The following TMEM117 variants were observed in gnomAD, a reference collection of about 807,000 sequenced individuals.
TMEM117 encodes transmembrane protein 117.
A neutral mutation model predicts 52.4 loss-of-function variants in TMEM117; 27 were observed. The ratio of observed to expected loss-of-function variants is 0.51; its 90% confidence interval spans 0.38 to 0.71. The LOEUF (loss-of-function observed/expected upper bound fraction) is 0.71, where lower values mean the gene tolerates loss of function less well. Among genes scored for constraint, TMEM117 ranks in the 30% least tolerant of loss-of-function variants. The pLI is 0.00. For missense variants in TMEM117, 556 were observed against 630.5 expected (o/e 0.88, Z 1.26); for synonymous variants, 215 against 206.3 (o/e 1.04, Z -0.36).
chr12:44,055,989 GTTATAATT>G (rs1229704058), intron 3 of TMEM117, among the ~76,000 whole-genome samples: 1 of 152,064 alleles, frequency 6.6e-6, no homozygotes, highest in Non-Finnish European at 1.5e-5. Flanking sequence ...GTTTGTAGCA[GTTATAATT>G]TTAGAATAAA....
chr12:43,831,277 G>T (rs957928621), upstream of TMEM117, among the ~76,000 whole-genome samples: 4 of 152,158 alleles, frequency 2.6e-5, no homozygotes, highest in Non-Finnish European at 5.9e-5. Context: ...TTTGCTCAGA[G>T]TCCATCTAAT....
At chr12:44,094,249 C>A (rs1947720302) in intron 3 of TMEM117, among the ~76,000 whole-genome samples, 1 of 152,126 alleles carries the variant, frequency 6.6e-6, no homozygotes. Flanking sequence ...CATAGTAAGT[C>A]ATGGGCTTCT....
intron 4 of TMEM117, among the ~76,000 whole-genome samples, chr12:44,200,920 C>G (rs1361064623): frequency 6.6e-6 from 1 of 152,048 alleles, no homozygotes. Flanking sequence ...TCACATCATT[C>G]AGATGTCAAT....
intron 3 of TMEM117, among the ~76,000 whole-genome samples, chr12:44,021,828 A>G (rs150966601): frequency 0.011 from 1,710 of 152,206 alleles, 39 homozygotes; most frequent in African/African-American, 0.039. Context: ...ACCACCTGCC[A>G]CTGTCTCTGG....
At chr12:44,124,947 C>G (rs1282401925) in intron 3 of TMEM117, among the ~76,000 whole-genome samples, 1 of 152,134 alleles carries the variant, frequency 6.6e-6, no homozygotes, top group Non-Finnish European at 1.5e-5. Context: ...AGGAGCCCCT[C>G]CTTTTCAAAT....
chr12:44,362,455 A>C (rs1472740441), intron 6 of TMEM117, among the ~76,000 whole-genome samples: 1 of 152,220 alleles, frequency 6.6e-6, no homozygotes, highest in Non-Finnish European at 1.5e-5. Flanking sequence ...GACAGAGCCT[A>C]GAGCCATTTC....
the TMEM117 span, among the ~76,000 whole-genome samples, chr12:44,395,426 C>G: frequency 6.6e-6 from 1 of 152,190 alleles, no homozygotes; most frequent in African/African-American, 2.4e-5. Flanking sequence ...CTTCCTGGCT[C>G]TCACCTTTTC....
At chr12:44,281,736 G>T (rs1382457985) in intron 5 of TMEM117, among the ~76,000 whole-genome samples, 2 of 151,990 alleles carry the variant, frequency 1.3e-5, no homozygotes, top group Non-Finnish European at 1.5e-5. Context: ...GAGTACTGTA[G>T]GTATCATTTT....
At chr12:44,316,649 CTT>C (rs1951058505) in intron 6 of TMEM117, among the ~76,000 whole-genome samples, 1 of 152,276 alleles carries the variant, frequency 6.6e-6, no homozygotes, top group African/African-American at 2.4e-5. Flanking sequence ...TAGGGACACT[CTT>C]TGTACTATTG....
chr12:44,363,204 T>C (rs1179187977), intron 6 of TMEM117, among the ~76,000 whole-genome samples: 1 of 152,224 alleles, frequency 6.6e-6, no homozygotes, highest in East Asian at 1.9e-4. Context: ...AGGTGCCTTC[T>C]GTGAGCCACA....
intron 3 of TMEM117, among the ~76,000 whole-genome samples, chr12:44,044,992 C>T (rs1946858112): frequency 6.6e-6 from 1 of 152,220 alleles, no homozygotes; most frequent in Non-Finnish European, 1.5e-5. Flanking sequence ...GTGGATGGAA[C>T]TCTCTGAGTG....
chr12:43,875,315 C>T (rs531627912), intron 2 of TMEM117, among the ~76,000 whole-genome samples: 4 of 151,782 alleles, frequency 2.6e-5, no homozygotes, highest in Non-Finnish European at 4.4e-5. Context: ...AAAGGTGTGC[C>T]GGGAGCCATC....
intron 6 of TMEM117, among the ~76,000 whole-genome samples, chr12:44,318,020 T>G (rs1269071411): frequency 3.3e-5 from 5 of 152,122 alleles, no homozygotes; most frequent in Non-Finnish European, 7.4e-5. Context: ...TGCTTGGCCC[T>G]AAGTTCTCTG....
intron 2 of TMEM117, among the ~76,000 whole-genome samples, chr12:43,875,515 A>G (rs1446336611): frequency 6.6e-6 from 1 of 152,166 alleles, no homozygotes; most frequent in African/African-American, 2.4e-5. Flanking sequence ...CTTGGCTTAT[A>G]TGTTTCTCAT....
At chr12:44,028,747 G>A (rs1004254780) in intron 3 of TMEM117, among the ~76,000 whole-genome samples, 4 of 152,172 alleles carry the variant, frequency 2.6e-5, no homozygotes, top group Admixed American at 6.5e-5. Context: ...CTTTGCCTAC[G>A]GAGTAGTCAT....
chr12:43,972,498 C>T (rs964193767), intron 3 of TMEM117, among the ~76,000 whole-genome samples: 5 of 152,272 alleles, frequency 3.3e-5, no homozygotes, highest in East Asian at 3.9e-4. Flanking sequence ...AGTGGGTTGC[C>T]GCTGGTGGCT....
At chr12:43,843,348 C>T (rs190587877) in intron 1 of TMEM117, among the ~76,000 whole-genome samples, 408 of 152,280 alleles carry the variant, frequency 2.7e-3, no homozygotes, top group Non-Finnish European at 4.9e-3. Context: ...TCACAAAGTC[C>T]AAACCCCAGA....
At chr12:44,236,273 T>C (rs762588363) in intron 5 of TMEM117, among the ~76,000 whole-genome samples, 2 of 152,044 alleles carry the variant, frequency 1.3e-5, no homozygotes, top group Non-Finnish European at 2.9e-5. Flanking sequence ...TTAAGCCTTC[T>C]TTGTGTATGC....
At chr12:43,848,268 G>C (rs192829336) in intron 2 of TMEM117, among the ~76,000 whole-genome samples, 1 of 151,986 alleles carries the variant, frequency 6.6e-6, no homozygotes, top group Non-Finnish European at 1.5e-5. Context: ...GTAGAGAACC[G>C]GTCTGACCAC....
Sources: gnomAD v4.1 joint callset for allele counts (sites outside exome capture counted in the v4.1 genomes callset) on GRCh38, gnomAD v4.1.1 for gene constraint, MANE v1.5 for transcripts, NCBI Gene and HGNC (gene_info 2026-07-23, HGNC 2026-07-21) for gene names.